FMO4: variants seen among roughly 807,000 people sequenced by gnomAD.
FMO4 encodes the protein dimethylaniline monooxygenase [N-oxide-forming] 4.
Under a neutral mutation model 43.3 loss-of-function variants are expected in FMO4, and 38 were observed. The observed-to-expected ratio is 0.88, with a 90% CI of 0.68 to 1.15. FMO4 has a LOEUF of 1.15. FMO4 is among the 50% of genes most tolerant of loss of function. The pLI is 0.00. For synonymous variants in FMO4, 224 were observed against 232.2 expected (o/e 0.96, Z 0.32); for missense variants, 631 against 663.3 (o/e 0.95, Z 0.54).
At chr1:171,314,801 A>G (rs1031521919) in intron 1 of FMO4, among the ~76,000 whole-genome samples, 10 of 152,316 alleles carry the variant, frequency 6.6e-5, no homozygotes, top group Admixed American at 3.9e-4. Flanking sequence ...TAGGATGATG[A>G]TAAGAAACAT....
At position 171,334,672 on chromosome 1, in the gene FMO4, G is replaced by A. The variant is rs753724760; in HGVS notation, c.1089G>A (p.Ala363=). The A allele has an allele frequency of 8.7e-6, 14 of 1,613,620 alleles. No homozygotes were observed. The highest frequency in any genetic ancestry group is 5.3e-5 in the African/African-American group (4 of 74,890). Residue 363 remains alanine (A), a synonymous_variant, in exon 8 of 10, where the codon GCG becomes GCA. Transcript: ENST00000367749. ...TCTTTCCCTTAAACCTAGAGAGAGC[G>A]ACATTAGCCATCATCGGCCTTATCG... ...KQVFPLNLER[A]TLAIIGLIGL...
At chr1:171,328,847 T>C (rs1270734029) in intron 5 of FMO4, among the ~76,000 whole-genome samples, 1 of 152,118 alleles carries the variant, frequency 6.6e-6, no homozygotes, top group Non-Finnish European at 1.5e-5. Flanking sequence ...CCGTTGCCCC[T>C]GGATGAAATC....
Position 171,332,802 on chromosome 1 carries a change from A to C in FMO4, c.721A>C (p.Ser241Arg). Reference sequence around the variant, plus strand: ...TATGATGGTTACAAGAAGATGCTGTAGTTTTATTGCACAAGTTCTGCCTTC... The same window carrying C: ...TATGATGGTTACAAGAAGATGCTGTCGTTTTATTGCACAAGTTCTGCCTTC... ...YNMMVTRRCCSFIAQVLPSRF... is the reference protein window; with the variant it reads ...YNMMVTRRCCRFIAQVLPSRF... Residue 241 changes from serine to arginine, a missense_variant, in exon 7 of 10, where the codon AGT becomes CGT. Transcript: ENST00000367749. The C allele has an allele frequency of 6.2e-7, 1 of 1,613,492 alleles. No homozygotes were observed. The highest frequency in any genetic ancestry group is 2.2e-5 in the East Asian group (1 of 44,812).
intron 7 of FMO4, 35 bp from the exon 8 acceptor site, chr1:171,334,376 A>G: frequency 2.3e-6 from 3 of 1,306,088 alleles, no homozygotes; most frequent in Non-Finnish European, 3.2e-6. Context: ...TCATAAAAAT[A>G]ACTACAGTGA....
chr1:171,337,218 G>A, intron 8 of FMO4, 138 bp from the exon 9 acceptor site: 1 of 701,520 alleles, frequency 1.4e-6, no homozygotes, highest in Non-Finnish European at 2.6e-6. Context: ...TATTTTCTGT[G>A]CTGCATTTCC....
At chr1:171,323,956 T>C (rs1263157440) in intron 4 of FMO4, among the ~76,000 whole-genome samples, 182 bp from the exon 5 acceptor site, 1 of 152,232 alleles carries the variant, frequency 6.6e-6, no homozygotes, top group East Asian at 1.9e-4. Flanking sequence ...AAAGTCTATA[T>C]TGCCACCTTT....
chr1:171,316,232 G>A lies in FMO4; in HGVS notation c.-104G>A, dbSNP rs1662194550. On this transcript the variant is annotated 5_prime_UTR_variant, in exon 2 of 10. Transcript: ENST00000367749. ...TGCCAGCCCCAGGCCTCTACCTAGT[G>A]GCCTGGAAATTCAAGTATTCTTATT... is the stretch of plus-strand genomic sequence containing the variant. The A allele has an allele frequency of 6.6e-6, 1 of 152,156 alleles. No homozygotes were observed. The highest frequency in any genetic ancestry group is 2.1e-4 in the South Asian group (1 of 4,832). The allele number at this position is 152,156 out of a possible 1,614,324, so 9.4% of individuals were successfully genotyped here. A position where few individuals can be genotyped will look rare whatever the true frequency, so the allele number is the denominator to read the frequency against.
At chr1:171,314,942 G>A (rs529174268) in intron 1 of FMO4, among the ~76,000 whole-genome samples, 2 of 152,230 alleles carry the variant, frequency 1.3e-5, no homozygotes, top group South Asian at 2.1e-4. Flanking sequence ...GGGTTTTCCC[G>A]TTGTACAAAG....
chr1:171,328,084 A>G (rs566125369), intron 5 of FMO4, among the ~76,000 whole-genome samples: 1 of 152,206 alleles, frequency 6.6e-6, no homozygotes, highest in East Asian at 1.9e-4. Flanking sequence ...CTTGTTCCCC[A>G]GGCTGGAGTT....
chr1:171,323,268 TAA>T, intron 4 of FMO4, 76 bp downstream of exon 4: 1 of 938,486 alleles, frequency 1.1e-6, no homozygotes, highest in East Asian at 2.5e-5. Flanking sequence ...ATTGGATGTT[TAA>T]AGTAAACTTT....
At position 171,316,331 on chromosome 1, in the gene FMO4, T is replaced by C. The variant is rs146605164; in HGVS notation, c.-9+4T>C. 8.5e-5 allele frequency: 13 copies of C among 152,164 alleles called. No individual in the cohort carries two copies. Among genetic ancestry groups the C allele is most frequent in the Non-Finnish European group, 1.5e-4 (10 of 68,028 alleles). 9.4% of individuals were successfully genotyped at this position (152,164 alleles called of 1,614,324 possible). A position where few individuals can be genotyped will look rare whatever the true frequency, so the allele number is the denominator to read the frequency against. ...CTCAACTCAAAGGAAAACACAGGTA[T>C]GTCTGCCTACTCCTTTCCAAACTTG... On this transcript the variant is annotated splice_donor_region_variant and intron_variant, in intron 2 of 9. Transcript: ENST00000367749.
At chr1:171,317,694 T>C (rs1662252266) in intron 2 of FMO4, among the ~76,000 whole-genome samples, 1 of 152,196 alleles carries the variant, frequency 6.6e-6, no homozygotes, top group Non-Finnish European at 1.5e-5. Context: ...GACATCATCG[T>C]GGGCTCTAGA....
chr1:171,334,904 T>C (rs1278837110), intron 8 of FMO4, 141 bp downstream of exon 8: 10 of 568,316 alleles, frequency 1.8e-5, no homozygotes, highest in Non-Finnish European at 2.8e-5. Flanking sequence ...GTTTGTAATA[T>C]GAGGGTGTGC....
At chr1:171,335,425 G>A (rs945338684) in intron 8 of FMO4, among the ~76,000 whole-genome samples, 1 of 152,234 alleles carries the variant, frequency 6.6e-6, no homozygotes, top group Non-Finnish European at 1.5e-5. Flanking sequence ...TAAGTGACAG[G>A]GTTTCTCTGA....
chr1:171,323,124 G>T lies in FMO4; in HGVS notation c.253G>T (p.Glu85Ter), dbSNP rs1170087660. ...HEDYPNFMNHEKFWDYLQEFA... is the reference protein window; with the variant it reads ...HEDYPNFMNH ...AGATTATCCTAATTTCATGAACCATGAAAAATTTTGGGACTATCTCCAAGA... is the reference window on the plus strand; with the variant it reads ...AGATTATCCTAATTTCATGAACCATTAAAAATTTTGGGACTATCTCCAAGA... Residue 85 changes from glutamate (E) to a stop codon, truncating the protein, a stop_gained, in exon 4 of 10, where the codon GAA becomes TAA. Coordinates refer to ENST00000367749, the MANE Select transcript of FMO4 (RefSeq NM_002022.3). LOFTEE classifies it high-confidence loss of function. 5 of 1,613,570 alleles carry T rather than the reference G, an allele frequency of 3.1e-6. No individual in the cohort carries two copies. Among genetic ancestry groups the T allele is most frequent in the Non-Finnish European group, 4.2e-6 (5 of 1,179,742 alleles).
chr1:171,326,511 G>C (rs12039609), intron 5 of FMO4, among the ~76,000 whole-genome samples: 4 of 152,242 alleles, frequency 2.6e-5, no homozygotes. Flanking sequence ...TTTGGGAAGT[G>C]CTCTGTTCAG....
intron 5 of FMO4, among the ~76,000 whole-genome samples, chr1:171,330,550 G>A (rs1245464192): frequency 2.6e-5 from 4 of 152,300 alleles, no homozygotes; most frequent in African/African-American, 2.4e-5. Flanking sequence ...GCAAAGTCAC[G>A]TCTTACAGGG....
intron 7 of FMO4, 62 bp from the exon 8 acceptor site, chr1:171,334,349 T>C: frequency 2.8e-6 from 3 of 1,062,622 alleles, no homozygotes; most frequent in Non-Finnish European, 4.1e-6. Context: ...GCTAAGTAAA[T>C]CATTTGCTGA....
chr1:171,319,288 C>G lies in FMO4; in HGVS notation c.-8-530C>G, dbSNP rs371024203. On this transcript the variant is annotated intron_variant, in intron 2 of 9. Coordinates refer to ENST00000367749, the MANE Select transcript of FMO4 (RefSeq NM_002022.3). ...ATCTTTCCAACCATCCCCAGCTGAA[C>G]TCCTCTTGATATTCAAACACTCCTT... 1.2e-4 allele frequency among the ~76,000 whole-genome samples: 19 copies of G among 152,298 alleles called. 1 individual carries two copies. Among genetic ancestry groups the G allele is most frequent in the Admixed American group, 6.5e-4 (10 of 15,292 alleles).
Sources: gnomAD v4.1 joint callset for allele counts (sites outside exome capture counted in the v4.1 genomes callset) on GRCh38, gnomAD v4.1.1 for gene constraint, MANE v1.5 for transcripts, NCBI Gene and HGNC (gene_info 2026-07-23, HGNC 2026-07-21) for gene names.